The following CYP26A1 variants were observed in gnomAD, a reference collection of about 807,000 sequenced individuals.
CYP26A1 encodes the protein cytochrome P450 family 26 subfamily A member 1, also known as cytochrome P450 26A1.
A neutral mutation model predicts 47.4 loss-of-function variants in CYP26A1; 46 were observed. The ratio of observed to expected loss-of-function variants is 0.97; its 90% CI spans 0.77 to 1.24. The LOEUF is 1.24. CYP26A1 is among the 50% of genes most tolerant of loss of function. CYP26A1 has a pLI of 0.00. For missense variants in CYP26A1, 680 were observed against 644.4 expected, an observed-to-expected ratio of 1.06 and a Z score of -0.60; for synonymous variants, 277 against 263.7, an observed-to-expected ratio of 1.05 and a Z score of -0.49.
chr10:93,076,808 G>A (rs1846983760), intron 6 of CYP26A1, 112 bp downstream of exon 6: 2 of 981,486 alleles, frequency 2.0e-6, no homozygotes, highest in Admixed American at 2.5e-5. Flanking sequence ...TGCCCTATAT[G>A]GAGATATGTT....
At position 93,074,460 on chromosome 10, in the gene CYP26A1, G is replaced by A. The variant is rs753097621; in HGVS notation, c.342G>A (p.Ala114=). The A allele has an allele frequency of 6.2e-7, 1 of 1,612,202 alleles. No individual in the cohort carries two copies. Among genetic ancestry groups the A allele is most frequent in the Admixed American group, 1.7e-5 (1 of 60,034 alleles). Residue 114 remains alanine, a synonymous_variant, in exon 2 of 7, where the codon GCG becomes GCA. Coordinates refer to ENST00000224356, the MANE Select transcript of CYP26A1 (RefSeq NM_000783.4). This position sits in a 1 kb window ranked among gnomAD's most constrained non-coding sequence, Gnocchi z 5.3. ...GGCTGGTGTCGGTCCACTGGCCAGC[G>A]TCGGTGCGCACCATTCTGGGATCTG... is the stretch of plus-strand genomic sequence containing the variant. ...EHRLVSVHWP[A]SVRTILGSGC... is the part of the protein sequence containing the mutation.
rs776855625 is a variant in CYP26A1, at chr10:93,074,982, C to T, written c.618C>T (p.Ser206=). ...CCCAACTGGCGGGCGACGGGGACTC[C>T]GAGCAGCAGCTTGTGGAGGCCTTCG... ...CEPQLAGDGD[S]EQQLVEAFEE... Residue 206 remains serine, a synonymous_variant, in exon 3 of 7, where the codon TCC becomes TCT. Coordinates refer to ENST00000224356, the MANE Select transcript of CYP26A1 (RefSeq NM_000783.4). The surrounding 1 kb of genome is among the most constrained non-coding windows in gnomAD (Gnocchi z 5.3). 1.2e-6 allele frequency: 2 copies of T among 1,613,128 alleles called. No homozygotes were observed. Among genetic ancestry groups the T allele is most frequent in the South Asian group, 1.1e-5 (1 of 91,080 alleles).
Position 93,074,265 on chromosome 10 carries a change from C to A in CYP26A1, c.190-43C>A, listed in dbSNP as rs1403770128. ...CTGGCGGGAGCGCGGCGCTCCCCGGCGCCCCCTCATGCCCACTTCTCTCCT... is the reference window on the plus strand; with the variant it reads ...CTGGCGGGAGCGCGGCGCTCCCCGGAGCCCCCTCATGCCCACTTCTCTCCT... On this transcript the variant is annotated intron_variant, in intron 1 of 6. Coordinates refer to ENST00000224356, the MANE Select transcript of CYP26A1 (RefSeq NM_000783.4). This position sits in a 1 kb window ranked among gnomAD's most constrained non-coding sequence, Gnocchi z 5.3. 3.3e-6 allele frequency: 5 copies of A among 1,516,550 alleles called. No individual in the cohort carries two copies. The highest frequency in any genetic ancestry group is 2.3e-5 in the East Asian group (1 of 43,634). The allele number at this position is 1,516,550 out of a possible 1,614,324, so 93.9% of individuals were successfully genotyped here.
At chr10:93,076,019 G>T in intron 5 of CYP26A1, 59 bp downstream of exon 5, 1 of 1,375,868 alleles carries the variant, frequency 7.3e-7, no homozygotes. Context: ...CTGCTCCCTA[G>T]CCAACTTCCG....
At chr10:93,073,760 C>T (rs1046770255), upstream of CYP26A1, 1 of 568,892 alleles carries the variant, frequency 1.8e-6, no homozygotes, top group Non-Finnish European at 3.1e-6. Context: ...TTGGGCAGCG[C>T]CTCGCGGGGG....
In CYP26A1 at chr10:93,074,571, C is replaced by T; in HGVS notation, c.414+39C>T. 1 of 1,334,512 alleles carries T rather than the reference C, an allele frequency of 7.5e-7. No individual in the cohort carries two copies. The highest frequency in any genetic ancestry group is 1.2e-5 in the South Asian group (1 of 85,496). 82.7% of individuals were successfully genotyped at this position (1,334,512 alleles called of 1,614,324 possible). On this transcript the variant is annotated intron_variant, in intron 2 of 6. Transcript: ENST00000224356. This position sits in a 1 kb window ranked among gnomAD's most constrained non-coding sequence, Gnocchi z 5.3. ...GCGACGGCTGGACAGGGAGGGGGAC[C>T]CCATTTATGAGCGGAATTCCGGCTG...
Position 93,074,187 on chromosome 10 carries a change from T to A in CYP26A1, c.189+64T>A, listed in dbSNP as rs2134421844. On this transcript the variant is annotated intron_variant, in intron 1 of 6. Coordinates refer to ENST00000224356, the MANE Select transcript of CYP26A1 (RefSeq NM_000783.4). This position sits in a 1 kb window ranked among gnomAD's most constrained non-coding sequence, Gnocchi z 5.3. ...GCCCGGCGCGGCTCTGGGCTTCTGC[T>A]GAAGTCGGGGTAGGCGCCCCCGGGA... is the stretch of plus-strand genomic sequence containing the variant. The A allele has an allele frequency of 6.6e-7, 1 of 1,519,106 alleles. No individual in the cohort carries two copies. The highest frequency in any genetic ancestry group is 2.0e-5 in the Admixed American group (1 of 49,216). 94.1% of individuals were successfully genotyped at this position (1,519,106 alleles called of 1,614,324 possible).
At chr10:93,075,612 T>A in intron 4 of CYP26A1, 1 of 586,358 alleles carries the variant, frequency 1.7e-6, no homozygotes, top group Non-Finnish European at 3.0e-6. Flanking sequence ...AACTCAGGAG[T>A]TTCCGGTAGA....
intron 5 of CYP26A1, 86 bp downstream of exon 5, chr10:93,076,046 G>C: frequency 9.5e-7 from 1 of 1,053,806 alleles, no homozygotes; most frequent in Non-Finnish European, 1.5e-6. Context: ...TCAGTGTGCT[G>C]CCTTCATGGA....
At chr10:93,076,927 GT>G (rs927404017) in intron 6 of CYP26A1, 35 bp from the exon 7 acceptor site, 6 of 1,374,946 alleles carry the variant, frequency 4.4e-6, no homozygotes, top group Non-Finnish European at 6.0e-6. Context: ...TTAAATTCCA[GT>G]TTGTCAGCCC....
In CYP26A1 at chr10:93,074,584, G is replaced by A. The variant is rs762277832; in HGVS notation, c.414+52G>A. On this transcript the variant is annotated intron_variant, in intron 2 of 6. Transcript: ENST00000224356. This position sits in a 1 kb window ranked among gnomAD's most constrained non-coding sequence, Gnocchi z 5.3. ...AGGGAGGGGGACCCCATTTATGAGC[G>A]GAATTCCGGCTGATGGATGCTAGGC... The A allele has an allele frequency of 3.2e-6, 4 of 1,257,558 alleles. No individual in the cohort carries two copies. Among genetic ancestry groups the A allele is most frequent in the East Asian group, 2.3e-5 (1 of 42,992 alleles). The allele number at this position is 1,257,558 out of a possible 1,614,324, so 77.9% of individuals were successfully genotyped here.
At chr10:93,075,348 C>T (rs1354465134) in intron 4 of CYP26A1, 41 bp downstream of exon 4, 14 of 1,585,718 alleles carry the variant, frequency 8.8e-6, no homozygotes, top group Admixed American at 6.8e-5. Flanking sequence ...GAGTTTGGTC[C>T]CCTGGCTTTC....
chr10:93,075,719 T>C (rs1846969134), intron 4 of CYP26A1, 107 bp from the exon 5 acceptor site: 3 of 818,990 alleles, frequency 3.7e-6, no homozygotes, highest in Non-Finnish European at 6.1e-6. Context: ...CAGCAAAACA[T>C]TTAGCCCTTC....
At position 93,077,152 on chromosome 10, in the gene CYP26A1, G is replaced by A. The variant is rs889031645; in HGVS notation, c.1342G>A (p.Ala448Thr). The A allele has an allele frequency of 1.1e-5, 18 of 1,613,732 alleles. No individual in the cohort carries two copies. Among genetic ancestry groups the A allele is most frequent in the Non-Finnish European group, 1.4e-5 (16 of 1,179,826 alleles). Residue 448 changes from alanine to threonine, a missense_variant, in exon 7 of 7, where the codon GCA (alanine) becomes ACA (threonine). Ala to Thr is a moderately conservative substitution (Grantham distance 58). Coordinates refer to ENST00000224356, the MANE Select transcript of CYP26A1 (RefSeq NM_000783.4). ...TAGGAGCTGTGTAGGCAAAGAATTT[G>A]CAAAAATTCTTCTCAAAATATTTAC... ...GLRSCVGKEFAKILLKIFTVE... is the reference protein window; with the variant it reads ...GLRSCVGKEFTKILLKIFTVE...
chr10:93,074,732 G>C lies in CYP26A1; in HGVS notation c.415-47G>C. The C allele has an allele frequency of 6.6e-7, 1 of 1,505,302 alleles. No individual in the cohort carries two copies. The highest frequency in any genetic ancestry group is 9.0e-7 in the Non-Finnish European group (1 of 1,107,502). 93.2% of individuals were successfully genotyped at this position (1,505,302 alleles called of 1,614,324 possible). On this transcript the variant is annotated intron_variant, in intron 2 of 6. Coordinates refer to ENST00000224356, the MANE Select transcript of CYP26A1 (RefSeq NM_000783.4). The surrounding 1 kb of genome is among the most constrained non-coding windows in gnomAD (Gnocchi z 5.3). ...TCTGGAAGGGGACGGCGGTAGACGAGAGGGGCGGATGGAGGCTTTTAACGC... is the reference window on the plus strand; with the variant it reads ...TCTGGAAGGGGACGGCGGTAGACGACAGGGGCGGATGGAGGCTTTTAACGC...
chr10:93,073,828 G>C, upstream of CYP26A1: 1 of 602,886 alleles, frequency 1.7e-6, no homozygotes, highest in South Asian at 2.0e-5. Flanking sequence ...CTAATTGTCT[G>C]ACCAAGGTAA....
rs1846981683 is a variant in CYP26A1, at chr10:93,076,663, G to C, written c.1119G>C (p.Gly373=). 6.2e-7 allele frequency: 1 copy of C among 1,611,724 alleles called. No homozygotes were observed. The highest frequency in any genetic ancestry group is 8.5e-7 in the Non-Finnish European group (1 of 1,178,286). The change falls in exon 6 of 7, where the codon GGG becomes GGC. Residue 373 remains glycine, a synonymous_variant. Transcript: ENST00000224356. ...TLRLNPPVPG[G]FRVALKTFEL... ...GACTGAATCCCCCAGTTCCAGGAGG[G>C]TTTCGGGTTGCTCTGAAGACTTTTG...
At position 93,075,270 on chromosome 10, in the gene CYP26A1, A is replaced by G. The variant is rs1168358165; in HGVS notation, c.827A>G (p.Glu276Gly). The G allele has an allele frequency of 6.2e-7, 1 of 1,614,134 alleles. No homozygotes were observed. The highest frequency in any genetic ancestry group is 8.5e-7 in the Non-Finnish European group (1 of 1,180,010). ...AAAGACGCGCTGCAGCTGTTGATCG[A>G]GCACTCGTGGGAGAGGGGAGAGCGG... is the stretch of plus-strand genomic sequence containing the variant. ...GCKDALQLLI[E>G]HSWERGERLD... Residue 276 changes from glutamate to glycine, a missense_variant, in exon 4 of 7, where the codon GAG becomes GGG. Coordinates refer to ENST00000224356, the MANE Select transcript of CYP26A1 (RefSeq NM_000783.4).
upstream of CYP26A1, chr10:93,073,682 A>G (rs1294543065): frequency 1.3e-5 from 7 of 521,662 alleles, no homozygotes; most frequent in African/African-American, 2.1e-5. Flanking sequence ...GCACCCCAGG[A>G]GGCGCGCTCG....
Sources: allele counts gnomAD v4.1 joint callset, GRCh38; gene constraint gnomAD v4.1.1; non-coding constraint Gnocchi (gnomAD v3.1); transcripts MANE v1.5; gene names NCBI Gene and HGNC (gene_info 2026-07-23, HGNC 2026-07-21).